Variants in RIPK1 observed in about 807,000 individuals in gnomAD.
RIPK1 encodes receptor interacting serine/threonine kinase 1.
Under a neutral mutation model 62.4 loss-of-function variants are expected in RIPK1, and 27 were observed. The ratio of observed to expected loss-of-function variants is 0.43; its 90% CI spans 0.32 to 0.60. RIPK1 has a LOEUF of 0.60. Ranked by LOEUF, RIPK1 falls within the 20% of genes least tolerant of loss-of-function variation. The probability of loss-of-function intolerance (pLI) is 0.07; values close to 1 mark genes in which losing one functional copy is unlikely to be tolerated. For synonymous variants in RIPK1, 287 were observed against 303.2 expected (o/e 0.95, Z 0.55); for missense variants, 735 against 831.0 (o/e 0.88, Z 1.42).
rs1469458388 is a variant in RIPK1 at position 3,076,813 on chromosome 6, T to G, written c.-11T>G. On this transcript the variant is annotated 5_prime_UTR_variant, in exon 2 of 11. Coordinates refer to ENST00000259808, the MANE Select transcript of RIPK1 (RefSeq NM_001354930.2). ...AAAGTGGTACCATTTTGGGCGTTCT[T>G]GAGCTTCAGAATGCAACCAGACATG... 6.2e-7 allele frequency: 1 copy of G among 1,612,036 alleles called. No individual in the cohort carries two copies. The highest frequency in any genetic ancestry group is 8.5e-7 in the Non-Finnish European group (1 of 1,179,394).
intron 7 of RIPK1, among the ~76,000 whole-genome samples, chr6:3,090,319 G>C (rs1759972000): frequency 6.6e-6 from 1 of 152,086 alleles, no homozygotes; most frequent in Non-Finnish European, 1.5e-5. Flanking sequence ...CTGGAATCAA[G>C]CTACTGCCAT....
intron 6 of RIPK1, among the ~76,000 whole-genome samples, chr6:3,086,873 A>G (rs1279160153): frequency 6.6e-6 from 1 of 152,164 alleles, no homozygotes; most frequent in African/African-American, 2.4e-5. Context: ...CCAACCTTCT[A>G]ATTATAGCTT....
upstream of RIPK1, among the ~76,000 whole-genome samples, chr6:3,066,830 T>C (rs1442816267): frequency 2.6e-5 from 4 of 152,172 alleles, no homozygotes; most frequent in Non-Finnish European, 5.9e-5. Flanking sequence ...TGTATAGAGA[T>C]GTACCCAACC....
At chr6:3,067,606 T>G (rs1758440088), upstream of RIPK1, among the ~76,000 whole-genome samples, 1 of 152,058 alleles carries the variant, frequency 6.6e-6, no homozygotes, top group African/African-American at 2.4e-5. Context: ...GGGTTTTTTT[T>G]GGTATATTTT....
intron 1 of RIPK1, among the ~76,000 whole-genome samples, chr6:3,074,231 C>G (rs1439230022): frequency 1.3e-5 from 2 of 152,158 alleles, no homozygotes; most frequent in Non-Finnish European, 2.9e-5. Flanking sequence ...GGCCAGTGTT[C>G]TTTTTCTGAC....
At chr6:3,081,221 T>C (rs1759361730) in intron 4 of RIPK1, 105 bp downstream of exon 4, 4 of 1,319,142 alleles carry the variant, frequency 3.0e-6, no homozygotes, top group Non-Finnish European at 4.2e-6. Context: ...AAGACCTAGC[T>C]CAGCTTATAA....
At chr6:3,068,848 G>A (rs1189725271) in intron 1 of RIPK1, 187 bp downstream of exon 1, 1 of 213,548 alleles carries the variant, frequency 4.7e-6, no homozygotes, top group African/African-American at 2.4e-5. Flanking sequence ...GTTTGCCGCG[G>A]AAACGAAAGT....
intron 1 of RIPK1, 93 bp downstream of exon 1, chr6:3,068,754 A>G: frequency 2.9e-5 from 23 of 785,544 alleles, no homozygotes; most frequent in Non-Finnish European, 3.4e-5. Context: ...GCCCTCCCCC[A>G]GCACGCCCGG....
chr6:3,085,330 G>T lies in RIPK1; in HGVS notation c.760G>T (p.Glu254Ter), dbSNP rs745680359. 1 of 1,614,204 alleles carries T rather than the reference G, an allele frequency of 6.2e-7. No individual in the cohort carries two copies. The highest frequency in any genetic ancestry group is 8.5e-7 in the Non-Finnish European group (1 of 1,180,008). Residue 254 changes from glutamate to a stop codon, truncating the protein, a stop_gained, in exon 6 of 11, where the codon GAG (glutamate) becomes TAG (stop). Transcript: ENST00000259808. LOFTEE classifies it high-confidence loss of function. ...CAGGCCAGATGTGGATGACATCACT[G>T]AGTACTGCCCAAGAGAAATTATCAG... Reference protein sequence around the residue: ...GNRPDVDDITEYCPREIISLM... With the variant: ...GNRPDVDDIT
Position 3,105,797 on chromosome 6 carries a change from G to T in RIPK1, c.1322G>T (p.Ser441Ile). The T allele has an allele frequency of 1.2e-6, 2 of 1,614,204 alleles. No individual in the cohort carries two copies. The highest frequency in any genetic ancestry group is 1.7e-6 in the Non-Finnish European group (2 of 1,180,024). Residue 441 changes from serine (S) to isoleucine (I), a missense_variant, in exon 9 of 11, where the codon AGT (serine) becomes ATT (isoleucine). Physicochemically the swap from Ser to Ile is moderately radical, Grantham distance 142. Around this residue, in one of 2 missense-constraint regions of RIPK1, gnomAD observed 671 missense variants for 726.2 expected, o/e 0.92. Coordinates refer to ENST00000259808, the MANE Select transcript of RIPK1 (RefSeq NM_001354930.2). This position sits in a 1 kb window ranked among gnomAD's most constrained non-coding sequence, Gnocchi z 4.5. ...NTEGKGTAYS[S>I]AASHGNAVHQ... Reference sequence around the variant, plus strand: ...GAGGGAAAAGGCACTGCTTATTCCAGTGCAGCCAGTCATGGTAATGCAGTG... The same window carrying T: ...GAGGGAAAAGGCACTGCTTATTCCATTGCAGCCAGTCATGGTAATGCAGTG...
chr6:3,068,411 G>A, upstream of RIPK1: 2 of 985,472 alleles, frequency 2.0e-6, no homozygotes, highest in Non-Finnish European at 2.4e-6. Context: ...CCCCGGGCGC[G>A]AGGTCCCACG....
chr6:3,082,728 C>T (rs987108183), intron 4 of RIPK1, among the ~76,000 whole-genome samples: 1 of 152,174 alleles, frequency 6.6e-6, no homozygotes, highest in South Asian at 2.1e-4. Flanking sequence ...TCCCCCCAAG[C>T]CCTAGAAATA....
rs141642283 is a variant in RIPK1 at position 3,083,097 on chromosome 6, G to A, written c.472G>A (p.Gly158Ser). ...ATGTCTTTCGCAGATCGCAGACCTC[G>A]GCCTTGCCTCCTTTAAGATGTGGAG... Reference protein sequence around the residue: ...NDFHIKIADLGLASFKMWSKL... With the variant: ...NDFHIKIADLSLASFKMWSKL... The change falls in exon 5 of 11, where the codon GGC becomes AGC. Residue 158 changes from glycine to serine, a missense_variant. Transcript: ENST00000259808. 1.4e-5 allele frequency: 23 copies of A among 1,613,768 alleles called. No individual in the cohort carries two copies. Among genetic ancestry groups the A allele is most frequent in the African/African-American group, 6.7e-5 (5 of 74,870 alleles).
chr6:3,086,312 G>C (rs1443118908), intron 6 of RIPK1, among the ~76,000 whole-genome samples: 2 of 152,206 alleles, frequency 1.3e-5, no homozygotes, highest in Admixed American at 6.5e-5. Context: ...ATACCCAGGG[G>C]TACAATAGCT....
At chr6:3,090,312 G>A (rs1321956137) in intron 7 of RIPK1, among the ~76,000 whole-genome samples, 1 of 152,068 alleles carries the variant, frequency 6.6e-6, no homozygotes, top group African/African-American at 2.4e-5. Flanking sequence ...GCCAACTCTG[G>A]AATCAAGCTA....
At chr6:3,068,442 G>A (rs1413849305), upstream of RIPK1, 8 of 985,314 alleles carry the variant, frequency 8.1e-6, no homozygotes, top group African/African-American at 1.0e-4. Flanking sequence ...CGGCGCTCTC[G>A]CGGTCCTCCT....
chr6:3,096,550 G>GTTTTT (rs112979664), intron 7 of RIPK1, among the ~76,000 whole-genome samples: 5 of 98,450 alleles, frequency 5.1e-5, no homozygotes, highest in Non-Finnish European at 8.2e-5. Flanking sequence ...AATATCTCAA[G>GTTTTT]TTTTTTTTTT....
rs1239427650 is a variant in RIPK1 at position 3,100,535 on chromosome 6, T to C, written c.916-3690T>C. On this transcript the variant is annotated intron_variant, in intron 7 of 10. Coordinates refer to ENST00000259808, the MANE Select transcript of RIPK1 (RefSeq NM_001354930.2). ...CTCTAGAGAATGGAAGAGTAGGTGC[T>C]GAAGGAATGTTTGGATGTTATTCTA... Among the ~76,000 whole-genome samples, 4 of 152,326 alleles carry C rather than the reference T, an allele frequency of 2.6e-5. No individual in the cohort carries two copies. In the East Asian group the frequency reaches 5.8e-4, roughly 22 times the overall value.
At chr6:3,112,418 A>G (rs977014017) in intron 10 of RIPK1, among the ~76,000 whole-genome samples, 1 of 152,228 alleles carries the variant, frequency 6.6e-6, no homozygotes, top group Non-Finnish European at 1.5e-5. Flanking sequence ...CAACAGGATC[A>G]CTGGCTAAGA....
Sources: allele counts gnomAD v4.1 joint callset (sites outside exome capture counted in the v4.1 genomes callset), GRCh38; gene constraint gnomAD v4.1.1; regional missense constraint gnomAD v4.1.1; non-coding constraint Gnocchi (gnomAD v3.1); transcripts MANE v1.5; gene names NCBI Gene and HGNC (gene_info 2026-07-23, HGNC 2026-07-21).